The following DGKI variants were observed in gnomAD, a reference collection of about 807,000 sequenced individuals.
DGKI encodes diacylglycerol kinase iota.
A neutral mutation model predicts 147.5 loss-of-function variants in DGKI; 55 were observed. The ratio of observed to expected loss-of-function variants is 0.37; its 90% CI spans 0.30 to 0.47. The LOEUF (loss-of-function observed/expected upper bound fraction) is 0.47, where lower values mean the gene tolerates loss of function less well. Ranked by LOEUF, DGKI falls within the 20% of genes least tolerant of loss-of-function variation. The probability of loss-of-function intolerance (pLI) is 1.00; values close to 1 mark genes in which losing one functional copy is unlikely to be tolerated. For missense variants in DGKI, 1,007 were observed against 1,323.8 expected (o/e 0.76, Z 3.71); for synonymous variants, 469 against 477.1 (o/e 0.98, Z 0.22).
At chr7:137,443,988 A>C (rs763678538) in intron 28 of DGKI, 89 bp downstream of exon 28, 2 of 1,113,414 alleles carry the variant, frequency 1.8e-6, no homozygotes, top group Admixed American at 5.2e-5. Flanking sequence ...ACATTTGCTT[A>C]AACAATTATT....
chr7:137,485,304 A>T, intron 23 of DGKI, 70 bp downstream of exon 23: 1 of 1,168,234 alleles, frequency 8.6e-7, no homozygotes, highest in South Asian at 1.4e-5. Context: ...AATCAAAATA[A>T]GACATTAATT....
chr7:137,588,279 G>T (rs1418415691), intron 12 of DGKI, among the ~76,000 whole-genome samples: 1 of 151,912 alleles, frequency 6.6e-6, no homozygotes, highest in Non-Finnish European at 1.5e-5. Flanking sequence ...CAAATTTTTT[G>T]ACATGTATTC....
chr7:137,700,981 A>C (rs1157554010), intron 1 of DGKI, among the ~76,000 whole-genome samples: 1 of 152,174 alleles, frequency 6.6e-6, no homozygotes, highest in Non-Finnish European at 1.5e-5. Context: ...CACAAAGAGA[A>C]GTCAGGTTTC....
intron 1 of DGKI, among the ~76,000 whole-genome samples, chr7:137,762,068 T>C (rs996307520): frequency 6.6e-6 from 1 of 152,228 alleles, no homozygotes; most frequent in African/African-American, 2.4e-5. Context: ...TTATTTCTCA[T>C]TATTTCTGGC....
At chr7:137,508,126 A>G (rs1816432781) in intron 21 of DGKI, among the ~76,000 whole-genome samples, 1 of 152,068 alleles carries the variant, frequency 6.6e-6, no homozygotes, top group African/African-American at 2.4e-5. Context: ...GTAGATACTA[A>G]TAGGTTTCCA....
rs1256889204 is a variant in DGKI, at chr7:137,760,806, A to G, written c.402-70804T>C. ...GAATAAGACCTTACATCCTGCTTCA[A>G]AGAGGTAATCCTTCCCCTCCTCTTG... On this transcript the variant is annotated intron_variant, in intron 1 of 32. Transcript: ENST00000614521. 2.6e-5 allele frequency among the ~76,000 whole-genome samples: 4 copies of G among 152,272 alleles called. No homozygotes were observed. In the East Asian group the frequency reaches 5.8e-4, roughly 22 times the overall value.
chr7:137,686,132 C>G (rs1384070143), intron 2 of DGKI, among the ~76,000 whole-genome samples: 1 of 152,134 alleles, frequency 6.6e-6, no homozygotes, highest in Non-Finnish European at 1.5e-5. Flanking sequence ...GAAAGTCAAA[C>G]AAAAAGCACT....
intron 20 of DGKI, among the ~76,000 whole-genome samples, chr7:137,539,042 C>G (rs1817605674): frequency 6.6e-6 from 1 of 152,142 alleles, no homozygotes; most frequent in Non-Finnish European, 1.5e-5. Flanking sequence ...AAAAGGATCT[C>G]CCTTTCTTTT....
intron 5 of DGKI, 152 bp from the exon 6 acceptor site, chr7:137,645,689 C>G (rs1318326060): frequency 6.5e-6 from 4 of 614,808 alleles, no homozygotes; most frequent in Non-Finnish European, 1.1e-5. Flanking sequence ...ATCTCAGCCT[C>G]CTGAATAGTG....
intron 21 of DGKI, among the ~76,000 whole-genome samples, chr7:137,507,787 T>G (rs1816418617): frequency 6.6e-6 from 1 of 152,132 alleles, no homozygotes; most frequent in Admixed American, 6.6e-5. Context: ...AACATCCTAC[T>G]GATGATATCT....
At chr7:137,409,632 C>T (rs1647183) in intron 29 of DGKI, among the ~76,000 whole-genome samples, 127,242 of 151,840 alleles carry the variant, frequency 0.84, 53,438 homozygotes, top group East Asian at 1. Context: ...TATCCTGTTC[C>T]ATTCAACTGC....
intron 1 of DGKI, among the ~76,000 whole-genome samples, chr7:137,817,932 T>A (rs1248765285): frequency 2.6e-5 from 4 of 152,228 alleles, no homozygotes; most frequent in African/African-American, 7.2e-5. Context: ...AGTACGAACT[T>A]ATCAGTCATC....
rs13240731 is a variant in DGKI, at chr7:137,576,043, C to G, written c.1761+1179G>C. Reference sequence around the variant, plus strand: ...TGTCAAAATTAATCTTTTTCTTTTTCTTTTTTTTTTTTTTAGACGGAGTGT... The same window carrying G: ...TGTCAAAATTAATCTTTTTCTTTTTGTTTTTTTTTTTTTTAGACGGAGTGT... On this transcript the variant is annotated intron_variant, in intron 17 of 32. Coordinates refer to ENST00000614521, the MANE Select transcript of DGKI (RefSeq NM_001321708.2). 3.0e-5 allele frequency among the ~76,000 whole-genome samples: 4 copies of G among 135,070 alleles called. No homozygotes were observed. In the Admixed American group the frequency reaches 3.0e-4, roughly 10 times the overall value. 88.6% of individuals were successfully genotyped at this position (135,070 alleles called of 152,430 possible).
intron 1 of DGKI, among the ~76,000 whole-genome samples, chr7:137,764,292 C>A (rs952035950): frequency 6.6e-6 from 1 of 151,224 alleles, no homozygotes; most frequent in African/African-American, 2.5e-5. Context: ...AGATTCTGAA[C>A]CTTTAAGTTA....
chr7:137,434,473 C>G (rs1484258526), intron 28 of DGKI, among the ~76,000 whole-genome samples: 1 of 152,030 alleles, frequency 6.6e-6, no homozygotes, highest in African/African-American at 2.4e-5. Flanking sequence ...CCCAGCTACT[C>G]GGAAGGCTGA....
chr7:137,748,815 C>T (rs533933882), intron 1 of DGKI, among the ~76,000 whole-genome samples: 1 of 152,232 alleles, frequency 6.6e-6, no homozygotes, highest in East Asian at 1.9e-4. Context: ...GAATTGAGAA[C>T]TTAAGTCAGA....
chr7:137,743,811 G>A (rs4329223), intron 1 of DGKI, among the ~76,000 whole-genome samples: 38,169 of 151,566 alleles, frequency 0.25, 4,984 homozygotes, highest in South Asian at 0.29. Flanking sequence ...GTGAAACCCC[G>A]TCTCTGCTAA....
At chr7:137,755,848 G>A (rs1563183034) in intron 1 of DGKI, among the ~76,000 whole-genome samples, 1 of 152,130 alleles carries the variant, frequency 6.6e-6, no homozygotes, top group Non-Finnish European at 1.5e-5. Flanking sequence ...AACTCTAAGT[G>A]TTGGCATCCA....
chr7:137,688,824 T>C (rs1823512767), intron 2 of DGKI, among the ~76,000 whole-genome samples: 1 of 152,184 alleles, frequency 6.6e-6, no homozygotes, highest in African/African-American at 2.4e-5. Context: ...AGGAATATTC[T>C]TTCTATACAC....
Sources: gnomAD v4.1 joint callset for allele counts (sites outside exome capture counted in the v4.1 genomes callset) on GRCh38, gnomAD v4.1.1 for gene constraint, MANE v1.5 for transcripts, NCBI Gene and HGNC (gene_info 2026-07-23, HGNC 2026-07-21) for gene names.